The following PPP2R5E variants were observed in gnomAD, a reference collection of about 807,000 sequenced individuals.
PPP2R5E encodes serine/threonine-protein phosphatase 2A 56 kDa regulatory subunit epsilon isoform.
Under a neutral mutation model 65.3 loss-of-function variants are expected in PPP2R5E, and 4 were observed. The observed-to-expected ratio is 0.06, with a 90% CI of 0.03 to 0.14. The LOEUF (loss-of-function observed/expected upper bound fraction) is 0.14. PPP2R5E is among the 10% of genes least tolerant of loss of function. The pLI is 1.00. For synonymous variants in PPP2R5E, 183 were observed against 187.4 expected, an observed-to-expected ratio of 0.98 and a Z score of 0.19; for missense variants, 274 against 556.1, an observed-to-expected ratio of 0.49 and a Z score of 5.10.
intron 2 of PPP2R5E, among the ~76,000 whole-genome samples, chr14:63,474,405 A>C (rs1366195021): frequency 1.3e-5 from 2 of 152,166 alleles, no homozygotes; most frequent in African/African-American, 4.8e-5. Context: ...GGGGAAATCA[A>C]GTGTTACACT....
At chr14:63,384,368 T>TG (rs1884535272) in intron 12 of PPP2R5E, 76 bp downstream of exon 12, 3 of 1,508,308 alleles carry the variant, frequency 2.0e-6, no homozygotes, top group Non-Finnish European at 2.7e-6. Context: ...GGACAGCATC[T>TG]GGCACATAAT....
At chr14:63,468,258 CTT>C (rs72306966) in intron 2 of PPP2R5E, among the ~76,000 whole-genome samples, 16 of 152,064 alleles carry the variant, frequency 1.1e-4, no homozygotes, top group African/African-American at 3.4e-4. Context: ...CAATGCCAGT[CTT>C]TTTTTTCAAA....
intron 2 of PPP2R5E, among the ~76,000 whole-genome samples, chr14:63,489,665 T>C (rs903251297): frequency 2.0e-5 from 3 of 152,016 alleles, no homozygotes; most frequent in Non-Finnish European, 4.4e-5. Flanking sequence ...CCTCTGGCCT[T>C]CCAAAATGCA....
intron 2 of PPP2R5E, among the ~76,000 whole-genome samples, chr14:63,484,348 C>G (rs112119755): frequency 9.5e-3 from 519 of 54,572 alleles, no homozygotes; most frequent in African/African-American, 0.041. Context: ...CTCTCTCTCT[C>G]ACACACACAC....
At chr14:63,512,388 T>G (rs1314329409) in intron 2 of PPP2R5E, among the ~76,000 whole-genome samples, 1 of 152,198 alleles carries the variant, frequency 6.6e-6, no homozygotes, top group African/African-American at 2.4e-5. Flanking sequence ...CCACAAATAA[T>G]ACTTAAGAGT....
intron 11 of PPP2R5E, among the ~76,000 whole-genome samples, chr14:63,387,891 G>A (rs910522908): frequency 2.0e-5 from 3 of 152,186 alleles, no homozygotes; most frequent in Admixed American, 6.5e-5. Flanking sequence ...GAAAGGCCAC[G>A]TGAGCATACA....
chr14:63,495,755 A>G (rs1471779006), intron 2 of PPP2R5E, among the ~76,000 whole-genome samples: 1 of 151,824 alleles, frequency 6.6e-6, no homozygotes, highest in Non-Finnish European at 1.5e-5. Flanking sequence ...CAGTGGTGCA[A>G]TCATGGCTCA....
chr14:63,467,222 C>CCAAAA (rs1889867315), intron 2 of PPP2R5E, among the ~76,000 whole-genome samples: 1 of 114,382 alleles, frequency 8.7e-6, no homozygotes, highest in African/African-American at 4.5e-5. Context: ...GACTCCGTCT[C>CCAAAA]AAAAAAAACA....
In PPP2R5E at chr14:63,399,041, A is replaced by G. The variant is rs530656132; in HGVS notation, c.550-2325T>C. Among the ~76,000 whole-genome samples the G allele has an allele frequency of 2.2e-4, 33 of 152,352 alleles. No individual in the cohort carries two copies. The South Asian group carries it at 6.2e-3, about 29-fold the overall frequency. ...GTATATATCCAGCAGAACCGAAAAC[A>G]CATGTCCACACAAAAACTTGTACAC... is the stretch of plus-strand genomic sequence containing the variant. On this transcript the variant is annotated intron_variant, in intron 5 of 13. Coordinates refer to ENST00000337537, the MANE Select transcript of PPP2R5E (RefSeq NM_006246.5).
At chr14:63,512,335 T>C (rs879539135) in intron 2 of PPP2R5E, among the ~76,000 whole-genome samples, 8 of 152,122 alleles carry the variant, frequency 5.3e-5, no homozygotes, top group Non-Finnish European at 7.4e-5. Context: ...TGGGTAGAGA[T>C]AGATGATGGG....
In PPP2R5E at chr14:63,372,193, C is replaced by T. The variant is rs1439651214; in HGVS notation, c.*3816G>A. The stretch of plus-strand genomic sequence containing the variant: ...ATGTTTATTTCCAAGAGAGATACTA[C>T]TGCTGCTATCGTGCACAAGAAGCAG... On this transcript the variant is annotated 3_prime_UTR_variant, in exon 14 of 14. Transcript: ENST00000337537. 1.3e-5 allele frequency: 2 copies of T among 152,102 alleles called. No individual in the cohort carries two copies. Among genetic ancestry groups the T allele is most frequent in the African/African-American group, 4.8e-5 (2 of 41,426 alleles). The allele number at this position is 152,102 out of a possible 1,614,324, so 9.4% of individuals were successfully genotyped here.
intron 2 of PPP2R5E, among the ~76,000 whole-genome samples, chr14:63,516,496 G>A (rs1391306655): frequency 1.3e-5 from 2 of 152,196 alleles, no homozygotes; most frequent in African/African-American, 4.8e-5. Flanking sequence ...GCCACCTGCT[G>A]CAAAGATACT....
chr14:63,394,069 CCTTT>C (rs1425381032), intron 7 of PPP2R5E, 141 bp from the exon 8 acceptor site: 12 of 306,666 alleles, frequency 3.9e-5, no homozygotes, highest in South Asian at 7.2e-5. Context: ...TTCAGAATTT[CCTTT>C]TTTTTTTTTT....
chr14:63,529,202 T>A (rs535633400), intron 2 of PPP2R5E, among the ~76,000 whole-genome samples: 1 of 152,084 alleles, frequency 6.6e-6, no homozygotes, highest in African/African-American at 2.4e-5. Flanking sequence ...CCTCAGGAGA[T>A]CCTCCTGCGT....
intron 2 of PPP2R5E, among the ~76,000 whole-genome samples, chr14:63,456,919 T>G (rs962619764): frequency 6.6e-6 from 1 of 152,192 alleles, no homozygotes; most frequent in African/African-American, 2.4e-5. Context: ...AAGCTGCGAT[T>G]TGTCCTTTAT....
chr14:63,422,663 C>A (rs1036405731), intron 3 of PPP2R5E, among the ~76,000 whole-genome samples: 1 of 148,906 alleles, frequency 6.7e-6, no homozygotes, highest in Non-Finnish European at 1.5e-5. Context: ...GAGGACGGAG[C>A]CTGCAGTAAG....
chr14:63,447,349 A>G (rs1307952669), intron 3 of PPP2R5E, among the ~76,000 whole-genome samples: 1 of 152,236 alleles, frequency 6.6e-6, no homozygotes, highest in Non-Finnish European at 1.5e-5. Flanking sequence ...TAGCTTCTAC[A>G]ACAGCATTTA....
chr14:63,457,274 T>C, intron 2 of PPP2R5E, among the ~76,000 whole-genome samples: 1 of 152,284 alleles, frequency 6.6e-6, no homozygotes, highest in Non-Finnish European at 1.5e-5. Flanking sequence ...ATAAGAAAAG[T>C]TTAGTGTCTA....
At chr14:63,534,293 TC>T (rs1232835480) in intron 2 of PPP2R5E, among the ~76,000 whole-genome samples, 2 of 152,024 alleles carry the variant, frequency 1.3e-5, no homozygotes, top group Admixed American at 1.3e-4. Flanking sequence ...GTCTTGACTT[TC>T]TTTTTTTTTT....
Sources: allele counts gnomAD v4.1 joint callset (sites outside exome capture counted in the v4.1 genomes callset), GRCh38; gene constraint gnomAD v4.1.1; transcripts MANE v1.5; gene names NCBI Gene and HGNC (gene_info 2026-07-23, HGNC 2026-07-21).